Variants in BPHL observed in about 807,000 individuals in gnomAD.
BPHL encodes the protein serine hydrolase BPHL.
BPHL carries 27 observed loss-of-function variants against 31.2 expected under a neutral mutation model. The ratio of observed to expected loss-of-function variants is 0.87; its 90% CI spans 0.64 to 1.19. The LOEUF is 1.19. Ranked by LOEUF, BPHL falls within the 50% of genes most tolerant of loss-of-function variation. BPHL has a pLI of 0.00. For missense variants in BPHL, 356 were observed against 375.7 expected (o/e 0.95, Z 0.43); for synonymous variants, 150 against 146.8 (o/e 1.02, Z -0.16).
At chr6:3,121,331 C>T (rs932576124) in intron 1 of BPHL, among the ~76,000 whole-genome samples, 4 of 112,006 alleles carry the variant, frequency 3.6e-5, no homozygotes, top group African/African-American at 6.9e-5. Context: ...GACGGAGTCT[C>T]TCTCTGTCAC....
intron 4 of BPHL, 42 bp downstream of exon 4, chr6:3,129,240 C>T (rs766096029): frequency 6.6e-7 from 1 of 1,508,966 alleles, no homozygotes; most frequent in African/African-American, 1.4e-5. Context: ...GCAGATCCTT[C>T]CCCTCTCTCC....
At chr6:3,123,045 C>T (rs1286819920) in intron 1 of BPHL, among the ~76,000 whole-genome samples, 2 of 152,252 alleles carry the variant, frequency 1.3e-5, no homozygotes, top group Non-Finnish European at 2.9e-5. Flanking sequence ...AGCTCACCGG[C>T]GTGTGCCATG....
rs535079674 is a variant in BPHL at position 3,127,056 on chromosome 6, C to T, written c.212-186C>T. The T allele has an allele frequency of 1.2e-5, 5 of 411,496 alleles. No individual in the cohort carries two copies. In the East Asian group the frequency reaches 1.4e-4, roughly 12 times the overall value. The allele number at this position is 411,496 out of a possible 1,614,324, so 25.5% of individuals were successfully genotyped here. A position where few individuals can be genotyped will look rare whatever the true frequency, so the allele number is the denominator to read the frequency against. On this transcript the variant is annotated intron_variant, in intron 2 of 6. Transcript: ENST00000380379. ...AAAGTGCTAGGATTACAGGCGCACCCGGTCAGCCTGCCTCCTTTCTTCGAG... is the reference window on the plus strand; with the variant it reads ...AAAGTGCTAGGATTACAGGCGCACCTGGTCAGCCTGCCTCCTTTCTTCGAG...
chr6:3,127,769 G>A (rs1178650625), intron 3 of BPHL, among the ~76,000 whole-genome samples: 1 of 151,848 alleles, frequency 6.6e-6, no homozygotes, highest in Non-Finnish European at 1.5e-5. Flanking sequence ...CTAGTTGTAT[G>A]ATAGGCACAT....
chr6:3,118,542 G>A, upstream of BPHL: 1 of 401,644 alleles, frequency 2.5e-6, no homozygotes, highest in South Asian at 1.4e-4. Context: ...CCAGGACTGC[G>A]AAACCACGAG....
At chr6:3,131,258 G>GCC (rs1761859530) in intron 4 of BPHL, among the ~76,000 whole-genome samples, 1 of 151,576 alleles carries the variant, frequency 6.6e-6, no homozygotes, top group Non-Finnish European at 1.5e-5. Flanking sequence ...GCCCATTCTA[G>GCC]CCCCCTCTAC....
intron 1 of BPHL, chr6:3,119,597 G>A: frequency 6.4e-7 from 1 of 1,554,188 alleles, no homozygotes; most frequent in Non-Finnish European, 8.8e-7. Flanking sequence ...ATACTGGGCA[G>A]AAATGTGGAT....
intron 6 of BPHL, among the ~76,000 whole-genome samples, chr6:3,142,451 C>T (rs1762206394): frequency 6.6e-6 from 1 of 152,090 alleles, no homozygotes; most frequent in Admixed American, 6.5e-5. Context: ...AGTTTTTGTG[C>T]TTTTGATTGT....
At chr6:3,147,500 C>G (rs1762415652) in intron 6 of BPHL, among the ~76,000 whole-genome samples, 1 of 152,076 alleles carries the variant, frequency 6.6e-6, no homozygotes, top group Non-Finnish European at 1.5e-5. Context: ...GTGGCCCGAT[C>G]ATAGCTCCTG....
At chr6:3,120,683 TAAGGTGATTTATTCC>T (rs1761544682) in intron 1 of BPHL, among the ~76,000 whole-genome samples, 1 of 152,238 alleles carries the variant, frequency 6.6e-6, no homozygotes, top group African/African-American at 2.4e-5. Flanking sequence ...TCAAAATCCG[TAAGGTGATTTATTCC>T]TGGGTCAGGT....
chr6:3,123,572 T>G, intron 1 of BPHL, 85 bp from the exon 2 acceptor site: 3 of 1,169,362 alleles, frequency 2.6e-6, no homozygotes, highest in Non-Finnish European at 3.8e-6. Context: ...CACTTATTCC[T>G]CCTGTCTAGC....
intron 6 of BPHL, among the ~76,000 whole-genome samples, chr6:3,146,188 T>C: frequency 2.2e-5 from 1 of 45,082 alleles, no homozygotes; most frequent in African/African-American, 9.7e-5. Context: ...CGGGGTGGAG[T>C]GCTGGTTCGG....
chr6:3,140,546 G>A lies in BPHL; in HGVS notation c.788+37G>A, dbSNP rs1376558675. Reference sequence around the variant, plus strand: ...CACCGCCTTCACACTCCCCCCGAGAGCCTCGGAGTCAATGGGCAAAGCTAC... The same window carrying A: ...CACCGCCTTCACACTCCCCCCGAGAACCTCGGAGTCAATGGGCAAAGCTAC... On this transcript the variant is annotated intron_variant, in intron 6 of 6. Transcript: ENST00000380379. The surrounding 1 kb of genome is among the most constrained non-coding windows in gnomAD (Gnocchi z 5.2). The A allele has an allele frequency of 1.9e-6, 3 of 1,609,776 alleles. No individual in the cohort carries two copies. In the East Asian group the frequency reaches 6.7e-5, roughly 36 times the overall value.
intron 6 of BPHL, among the ~76,000 whole-genome samples, chr6:3,144,487 G>A (rs376838610): frequency 6.6e-6 from 1 of 150,414 alleles, no homozygotes; most frequent in African/African-American, 2.5e-5. Flanking sequence ...CTGGACTCAA[G>A]TGATCCTCCC....
intron 1 of BPHL, among the ~76,000 whole-genome samples, chr6:3,120,991 A>T (rs563877859): frequency 6.6e-6 from 1 of 152,192 alleles, no homozygotes; most frequent in Non-Finnish European, 1.5e-5. Flanking sequence ...GCCACTTCCT[A>T]GCTCTGTGAG....
chr6:3,118,384 G>A, upstream of BPHL: 1 of 205,688 alleles, frequency 4.9e-6, no homozygotes, highest in Non-Finnish European at 9.6e-6. Flanking sequence ...CCGACGCAGC[G>A]AGGGCGCTAT....
intron 4 of BPHL, among the ~76,000 whole-genome samples, chr6:3,136,508 A>G (rs1762020776): frequency 1.3e-5 from 2 of 152,202 alleles, no homozygotes; most frequent in African/African-American, 4.8e-5. Flanking sequence ...GTGATTGTAA[A>G]TAGCAGTTTT....
At chr6:3,128,355 A>G (rs1364280602) in intron 3 of BPHL, among the ~76,000 whole-genome samples, 1 of 152,238 alleles carries the variant, frequency 6.6e-6, no homozygotes, top group African/African-American at 2.4e-5. Flanking sequence ...TTCATTTTGC[A>G]GGATAGTGCC....
intron 1 of BPHL, 35 bp from the exon 2 acceptor site, chr6:3,123,622 T>C: frequency 6.3e-7 from 1 of 1,576,914 alleles, no homozygotes; most frequent in Non-Finnish European, 8.7e-7. Flanking sequence ...CCATCTCCCC[T>C]TTCCCCCTGT....
Sources: gnomAD v4.1 joint callset for allele counts (sites outside exome capture counted in the v4.1 genomes callset) on GRCh38, gnomAD v4.1.1 for gene constraint, Gnocchi (gnomAD v3.1) non-coding constraint, MANE v1.5 for transcripts, NCBI Gene and HGNC (gene_info 2026-07-23, HGNC 2026-07-21) for gene names.